Variants in LYRM4 observed in about 807,000 individuals in gnomAD.
LYRM4 encodes LYR motif containing 4, also known as LYR motif-containing protein 4.
In LYRM4, 9 loss-of-function variants were observed where a neutral mutation model predicts 11.7. That is an observed-to-expected ratio of 0.77 (90% CI 0.46 to 1.34). LYRM4 has a LOEUF of 1.34. LYRM4 is among the 40% of genes most tolerant of loss of function. The probability of loss-of-function intolerance (pLI) is 0.00; values close to 1 mark genes in which losing one functional copy is unlikely to be tolerated. For synonymous variants in LYRM4, 42 were observed against 40.4 expected (o/e 1.04, Z -0.15); for missense variants, 133 against 112.5 (o/e 1.18, Z -0.82).
At chr6:5,245,105 AAAAAAAAAATATATATATATAT>A (rs1764094097) in intron 1 of LYRM4, among the ~76,000 whole-genome samples, 33 of 56,788 alleles carry the variant, frequency 5.8e-4, no homozygotes, top group South Asian at 4.2e-3. Flanking sequence ...AAAAAAAAAA[AAAAAAAAAATATATATATATAT>A]ATATATATAT....
intron 2 of LYRM4, among the ~76,000 whole-genome samples, chr6:5,188,975 G>A (rs1760588633): frequency 6.6e-6 from 1 of 152,118 alleles, no homozygotes; most frequent in Non-Finnish European, 1.5e-5. Flanking sequence ...TGCCCAGGCT[G>A]GTCTCAAACT....
chr6:5,141,496 G>A (rs561037732), intron 2 of LYRM4, among the ~76,000 whole-genome samples: 12 of 152,308 alleles, frequency 7.9e-5, no homozygotes, highest in African/African-American at 2.6e-4. Flanking sequence ...TTCTGCCAAC[G>A]CACATGTCCA....
intron 2 of LYRM4, among the ~76,000 whole-genome samples, chr6:5,154,448 T>C (rs1306664146): frequency 6.3e-5 from 3 of 47,586 alleles, no homozygotes; most frequent in Non-Finnish European, 1.6e-4. Flanking sequence ...GAGAGTGGCA[T>C]GCAGTATCTA....
At chr6:5,081,300 C>T in the LYRM4 span, among the ~76,000 whole-genome samples, 9 of 152,164 alleles carry the variant, frequency 5.9e-5, no homozygotes, top group Non-Finnish European at 8.8e-5. Context: ...AAAAGCAGTC[C>T]ATCCCCACCA....
chr6:5,126,408 C>G (rs977471912), intron 2 of LYRM4, among the ~76,000 whole-genome samples: 1 of 152,174 alleles, frequency 6.6e-6, no homozygotes, highest in African/African-American at 2.4e-5. Context: ...AGAATGCAGA[C>G]AGCAGGCAGA....
intron 2 of LYRM4, among the ~76,000 whole-genome samples, chr6:5,133,494 G>A (rs573494962): frequency 6.6e-6 from 1 of 152,306 alleles, no homozygotes; most frequent in African/African-American, 2.4e-5. Context: ...AACCTTGCGT[G>A]TACACTGGCA....
the LYRM4 span, among the ~76,000 whole-genome samples, chr6:5,036,693 C>A: frequency 6.6e-6 from 1 of 152,240 alleles, no homozygotes; most frequent in Admixed American, 6.5e-5. Context: ...CTCCTTCCTG[C>A]TGGACTGAGA....
At chr6:5,130,660 C>T (rs1218267574) in intron 2 of LYRM4, among the ~76,000 whole-genome samples, 1 of 152,104 alleles carries the variant, frequency 6.6e-6, no homozygotes, top group African/African-American at 2.4e-5. Flanking sequence ...ACAGCAAGAG[C>T]ACTCAGAGAC....
At chr6:5,216,125 C>A (rs1217614605) in intron 2 of LYRM4, among the ~76,000 whole-genome samples, 2 of 152,170 alleles carry the variant, frequency 1.3e-5, no homozygotes, top group African/African-American at 4.8e-5. Context: ...GGGGTCAGCA[C>A]CCAAGCAGCT....
At position 5,260,741 on chromosome 6, in the gene LYRM4, AG is replaced by A. The variant is rs1765035862; in HGVS notation, c.-9del. On this transcript the variant is annotated 5_prime_UTR_variant, in exon 1 of 3. Transcript: ENST00000330636. ...GCGACTGGAGGCTGCCATTTTGGAA[AG>A]AAAAAAAAATAAACGGGTCCTCTTC... 5 of 1,545,080 alleles carry A rather than the reference AG, an allele frequency of 3.2e-6. No homozygotes were observed. The highest frequency in any genetic ancestry group is 4.4e-6 in the Non-Finnish European group (5 of 1,147,314).
chr6:5,079,223 T>G, the LYRM4 span, among the ~76,000 whole-genome samples: 2 of 152,194 alleles, frequency 1.3e-5, no homozygotes, highest in African/African-American at 4.8e-5. Flanking sequence ...AAAAGGGGTT[T>G]GGGCTGGGAT....
At chr6:5,250,669 G>A (rs1764387064) in intron 1 of LYRM4, among the ~76,000 whole-genome samples, 1 of 152,168 alleles carries the variant, frequency 6.6e-6, no homozygotes, top group Non-Finnish European at 1.5e-5. Flanking sequence ...ATAGTTCTTT[G>A]TAATACAGCG....
chr6:5,109,477 T>A lies in LYRM4; in HGVS notation c.222A>T (p.Gln74His). 6.2e-7 allele frequency: 1 copy of A among 1,614,054 alleles called. No homozygotes were observed. Among genetic ancestry groups the A allele is most frequent in the Non-Finnish European group, 8.5e-7 (1 of 1,179,936 alleles). The change falls in exon 3 of 3, where the codon CAA becomes CAT. Residue 74 changes from glutamine to histidine, a missense_variant. Transcript: ENST00000330636. ...TGATCAGCTTGTCAGTTGAATACAG[T>A]TGGCCAATGTGGACCTGAAGGCAAA... Reference protein sequence around the residue: ...GVIRRQVHIGQLYSTDKLIIE... With the variant: ...GVIRRQVHIGHLYSTDKLIIE...
the LYRM4 span, among the ~76,000 whole-genome samples, chr6:5,078,191 C>T: frequency 6.6e-6 from 1 of 151,296 alleles, no homozygotes; most frequent in Non-Finnish European, 1.5e-5. Context: ...ATTTTCTCCT[C>T]ATCCCCTTGG....
the LYRM4 span, chr6:5,086,559 C>T: frequency 6.6e-7 from 1 of 1,518,738 alleles, no homozygotes; most frequent in South Asian, 1.2e-5. Flanking sequence ...CGGACGCGCT[C>T]TGAGCCTGGA....
At chr6:5,198,135 T>G (rs2127700826) in intron 2 of LYRM4, among the ~76,000 whole-genome samples, 1 of 151,434 alleles carries the variant, frequency 6.6e-6, no homozygotes, top group East Asian at 1.9e-4. Context: ...AAGGCGGAGG[T>G]TACAGTGAAC....
rs371741335 is a variant in LYRM4, at chr6:5,226,218, T to C, written c.87-9480A>G. Reference sequence around the variant, plus strand: ...ACATCATATGTATAAAAGCCTACCCTATTGTGAGATTTAAAAAAATATTCA... The same window carrying C: ...ACATCATATGTATAAAAGCCTACCCCATTGTGAGATTTAAAAAAATATTCA... On this transcript the variant is annotated intron_variant, in intron 1 of 2. Transcript: ENST00000330636. Among the ~76,000 whole-genome samples, 124 of 152,308 alleles carry C rather than the reference T, an allele frequency of 8.1e-4. 7 individuals are homozygous for C. The South Asian group carries it at 0.025, about 31-fold the overall frequency.
At chr6:5,168,565 T>C (rs1372662503) in intron 2 of LYRM4, among the ~76,000 whole-genome samples, 1 of 151,824 alleles carries the variant, frequency 6.6e-6, no homozygotes, top group Admixed American at 6.6e-5. Context: ...CAGGAGAAAG[T>C]GGGGGTGTCC....
intron 2 of LYRM4, among the ~76,000 whole-genome samples, chr6:5,142,034 C>T (rs767210098): frequency 1.3e-5 from 2 of 152,004 alleles, no homozygotes; most frequent in African/African-American, 2.4e-5. Context: ...GGGGGGGATG[C>T]GGGTACAGGT....
Sources: gnomAD v4.1 joint callset for allele counts (sites outside exome capture counted in the v4.1 genomes callset) on GRCh38, gnomAD v4.1.1 for gene constraint, MANE v1.5 for transcripts, NCBI Gene and HGNC (gene_info 2026-07-23, HGNC 2026-07-21) for gene names.